The following AGO2 variants were observed in gnomAD, a reference collection of about 807,000 sequenced individuals.
AGO2 encodes protein argonaute-2.
Under a neutral mutation model 102.3 loss-of-function variants are expected in AGO2, and 5 were observed. That is an observed-to-expected ratio of 0.05 (90% CI 0.03 to 0.10). AGO2 has a LOEUF of 0.10. Ranked by LOEUF, AGO2 falls within the 10% of genes least tolerant of loss-of-function variation. The pLI is 1.00. For synonymous variants in AGO2, 449 were observed against 473.1 expected (o/e 0.95, Z 0.66); for missense variants, 541 against 1,183.7 (o/e 0.46, Z 7.97).
At chr8:140,551,277 G>T in intron 11 of AGO2, 26 bp downstream of exon 11, 1 of 1,487,920 alleles carries the variant, frequency 6.7e-7, no homozygotes, top group Non-Finnish European at 9.0e-7. Flanking sequence ...CCCCCAGGCC[G>T]GAGCCTCTGC....
Position 140,540,301 on chromosome 8 carries a change from G to C in AGO2, c.2035-847C>G, listed in dbSNP as rs1270531503. Among the ~76,000 whole-genome samples, 1 of 152,150 alleles carries C rather than the reference G, an allele frequency of 6.6e-6. No individual in the cohort carries two copies. Among genetic ancestry groups the C allele is most frequent in the Non-Finnish European group, 1.5e-5 (1 of 68,026 alleles). On this transcript the variant is annotated intron_variant, in intron 15 of 18. Coordinates refer to ENST00000220592, the MANE Select transcript of AGO2 (RefSeq NM_012154.5). This position sits in a 1 kb window ranked among gnomAD's most constrained non-coding sequence, Gnocchi z 5.0. ...CATCCCGCCTCCTGATCAAGGCCGG[G>C]GAGTTCCTAAGCTCCTGGGGCAGCC...
chr8:140,563,711 C>G (rs2073237849), intron 3 of AGO2, among the ~76,000 whole-genome samples: 1 of 152,244 alleles, frequency 6.6e-6, no homozygotes, highest in African/African-American at 2.4e-5. Flanking sequence ...TGCCCAGGGC[C>G]TGCTGCCTCT....
rs2072495903 is a variant in AGO2, at chr8:140,525,876, G to A, written c.*6168C>T. 1 of 152,230 alleles carries A rather than the reference G, an allele frequency of 6.6e-6. No individual in the cohort carries two copies. The highest frequency in any genetic ancestry group is 1.5e-5 in the Non-Finnish European group (1 of 68,048). 9.4% of individuals were successfully genotyped at this position (152,230 alleles called of 1,614,324 possible). ...TGACAGCAAAGTGGTTAATCACAGG[G>A]AGGGGTGTTCAGAGCCTCCCAGGAC... On this transcript the variant is annotated 3_prime_UTR_variant, in exon 19 of 19. Transcript: ENST00000220592.
In AGO2 at chr8:140,532,531, G is replaced by A; in HGVS notation, c.2356C>T (p.Leu786=). Residue 786 remains leucine (L), a synonymous_variant, in exon 18 of 19, where the codon CTG becomes TTG. Transcript: ENST00000220592. ...GTGCAGCGCACGTAGGTGTGACACAGCTGGTAGGTTAGGATCTGCAGCTCA... is the reference window on the plus strand; with the variant it reads ...GTGCAGCGCACGTAGGTGTGACACAACTGGTAGGTTAGGATCTGCAGCTCA... The part of the protein sequence containing the change: ...SDELQILTYQ[L]CHTYVRCTRS... 6.2e-7 allele frequency: 1 copy of A among 1,614,290 alleles called. No homozygotes were observed. The highest frequency in any genetic ancestry group is 1.1e-5 in the South Asian group (1 of 91,092).
chr8:140,620,280 G>A (rs556753654), intron 1 of AGO2, among the ~76,000 whole-genome samples: 2 of 152,310 alleles, frequency 1.3e-5, no homozygotes, highest in South Asian at 4.1e-4. Context: ...TGTAGGCCGG[G>A]TAAGAGGCCT....
intron 15 of AGO2, 98 bp downstream of exon 15, chr8:140,541,066 C>G: frequency 7.5e-7 from 1 of 1,336,592 alleles, no homozygotes; most frequent in Non-Finnish European, 1.0e-6. Context: ...GAATGAGAGC[C>G]ACATCATTCT....
At chr8:140,565,904 C>A (rs2073276526) in intron 3 of AGO2, among the ~76,000 whole-genome samples, 1 of 151,900 alleles carries the variant, frequency 6.6e-6, no homozygotes, top group African/African-American at 2.4e-5. Flanking sequence ...TATAGGGAGA[C>A]CCCATCTCTG....
chr8:140,564,762 G>C (rs887655024), intron 3 of AGO2, among the ~76,000 whole-genome samples: 3 of 151,866 alleles, frequency 2.0e-5, no homozygotes, highest in African/African-American at 4.8e-5. Flanking sequence ...GGCCAATGTG[G>C]CAAAACCCCA....
intron 3 of AGO2, among the ~76,000 whole-genome samples, chr8:140,569,636 C>T (rs2073346162): frequency 6.6e-6 from 1 of 152,316 alleles, no homozygotes; most frequent in Non-Finnish European, 1.5e-5. Flanking sequence ...GACCAGACGA[C>T]ACAAATCATG....
intron 1 of AGO2, among the ~76,000 whole-genome samples, chr8:140,612,578 T>C (rs1446407726): frequency 6.6e-6 from 1 of 151,838 alleles, no homozygotes; most frequent in Middle Eastern, 3.2e-3. Context: ...TTGGCCAACA[T>C]GGTGAAACCC....
chr8:140,526,480 G>A lies in AGO2; in HGVS notation c.*5564C>T, dbSNP rs926532200. ...CCCTGGTCCACCTGACACAGTAGAG[G>A]AGGAGGGGCTGCCCGTGGGTCACAG... is the stretch of plus-strand genomic sequence containing the variant. On this transcript the variant is annotated 3_prime_UTR_variant, in exon 19 of 19. Transcript: ENST00000220592. The surrounding 1 kb of genome is among the most constrained non-coding windows in gnomAD (Gnocchi z 5.2). 3 of 152,208 alleles carry A rather than the reference G, an allele frequency of 2.0e-5. No homozygotes were observed. The highest frequency in any genetic ancestry group is 7.2e-5 in the African/African-American group (3 of 41,430). 9.4% of individuals were successfully genotyped at this position (152,208 alleles called of 1,614,324 possible).
intron 1 of AGO2, among the ~76,000 whole-genome samples, chr8:140,608,079 C>T (rs184246624): frequency 1.3e-5 from 2 of 152,266 alleles, no homozygotes; most frequent in East Asian, 1.9e-4. Flanking sequence ...TCAGCAACAA[C>T]AGGTTCTTTA....
rs536521422 is a variant in AGO2 at position 140,556,340 on chromosome 8, G to A, written c.1027-54C>T. On this transcript the variant is annotated intron_variant, in intron 8 of 18. Transcript: ENST00000220592. ...CAGTGCCGCACTGGAGTGACCAGGG[G>A]AGCAGGCAGGGGGCTCAGGGGCTGG... The A allele has an allele frequency of 3.1e-6, 5 of 1,601,390 alleles. No individual in the cohort carries two copies. In the South Asian group the frequency reaches 5.6e-5, roughly 18 times the overall value.
Position 140,562,639 on chromosome 8 carries a change from G to A in AGO2, c.337-5C>T, listed in dbSNP as rs552369327. On this transcript the variant is annotated splice_polypyrimidine_tract_variant and splice_region_variant and intron_variant, in intron 3 of 18. Transcript: ENST00000220592. ...CAGCGTGACCTCCAGCTCCACCTGC[G>A]AGGATCCAAGGCACACAAGGTTACT... The A allele has an allele frequency of 1.1e-4, 185 of 1,612,582 alleles. No individual in the cohort carries two copies. Among genetic ancestry groups the A allele is most frequent in the Admixed American group, 1.7e-4 (10 of 59,984 alleles).
At chr8:140,564,171 G>C (rs1318370695) in intron 3 of AGO2, among the ~76,000 whole-genome samples, 1 of 152,230 alleles carries the variant, frequency 6.6e-6, no homozygotes, top group African/African-American at 2.4e-5. Context: ...AGCCACAGAA[G>C]GGCGCCGCAG....
intron 3 of AGO2, among the ~76,000 whole-genome samples, chr8:140,571,662 T>A (rs919231365): frequency 6.6e-6 from 1 of 152,254 alleles, no homozygotes; most frequent in African/African-American, 2.4e-5. Context: ...GTGTATGTTG[T>A]TCCCAGAGGG....
At chr8:140,623,408 A>G (rs1227348722) in intron 1 of AGO2, among the ~76,000 whole-genome samples, 3 of 152,158 alleles carry the variant, frequency 2.0e-5, no homozygotes, top group African/African-American at 7.2e-5. Context: ...TGAATTGTTC[A>G]TCTTACAATG....
In AGO2 at chr8:140,562,590, G is replaced by A. The variant is rs1302015363; in HGVS notation, c.381C>T (p.Ile127=). 4 of 1,613,928 alleles carry A rather than the reference G, an allele frequency of 2.5e-6. No homozygotes were observed. Among genetic ancestry groups the A allele is most frequent in the African/African-American group, 1.3e-5 (1 of 74,932 alleles). ...ACACCCACTTGATGGACACCTTGAA[G>A]ATGCGATCCTTGCCTTCTCCTGGCA... The part of the protein sequence containing the change: ...VTLPGEGKDR[I]FKVSIKWVSC... The change falls in exon 4 of 19, where the codon ATC becomes ATT. Residue 127 remains isoleucine (I), a synonymous_variant. Transcript: ENST00000220592.
At chr8:140,543,526 T>C (rs2072838738) in intron 14 of AGO2, among the ~76,000 whole-genome samples, 1 of 152,180 alleles carries the variant, frequency 6.6e-6, no homozygotes, top group South Asian at 2.1e-4. Context: ...CGCAATCTCT[T>C]CTCACTGCAG....
Sources: gnomAD v4.1 joint callset for allele counts (sites outside exome capture counted in the v4.1 genomes callset) on GRCh38, gnomAD v4.1.1 for gene constraint, Gnocchi (gnomAD v3.1) non-coding constraint, MANE v1.5 for transcripts, NCBI Gene and HGNC (gene_info 2026-07-23, HGNC 2026-07-21) for gene names.